RASAL2: variants seen among roughly 807,000 people sequenced by gnomAD.
RASAL2 encodes the protein RAS protein activator like 2.
Under a neutral mutation model 128.9 loss-of-function variants are expected in RASAL2, and 58 were observed. The ratio of observed to expected loss-of-function variants is 0.45; its 90% CI spans 0.36 to 0.56. RASAL2 has a LOEUF of 0.56. Among genes scored for constraint, RASAL2 ranks in the 20% least tolerant of loss-of-function variants. The pLI, the probability that RASAL2 is intolerant of heterozygous loss-of-function variation, is 0.00. For synonymous variants in RASAL2, 561 were observed against 580.8 expected (o/e 0.97, Z 0.49); for missense variants, 1,360 against 1,601.6 (o/e 0.85, Z 2.57).
chr1:178,202,806 G>A (rs1415511806), intron 1 of RASAL2, among the ~76,000 whole-genome samples: 1 of 152,202 alleles, frequency 6.6e-6, no homozygotes, highest in African/African-American at 2.4e-5. Flanking sequence ...GACTCGTTCT[G>A]TATGCACCAC....
rs200932615 is a variant in RASAL2 at position 178,164,823 on chromosome 1, TTGTGTGTGTG to T, written c.202+70163_202+70172del. Among the ~76,000 whole-genome samples the T allele has an allele frequency of 8.0e-4, 106 of 131,990 alleles. 1 individual carries two copies. The highest frequency in any genetic ancestry group is 1.9e-3 in the East Asian group (8 of 4,292). The allele number at this position is 131,990 out of a possible 152,430, so 86.6% of individuals were successfully genotyped here. A position where few individuals can be genotyped will look rare whatever the true frequency, so the allele number is the denominator to read the frequency against. ...AACATACGCTTTGTTCATCAAACGT[TTGTGTGTGTG>T]TGTGTGTGTGTGTGTGTGTGTGTGT... On this transcript the variant is annotated intron_variant, in intron 1 of 17. Coordinates refer to ENST00000367649, the MANE Select transcript of RASAL2 (RefSeq NM_170692.4).
chr1:178,162,434 TTA>T (rs1466671737), intron 1 of RASAL2, among the ~76,000 whole-genome samples: 53 of 120,702 alleles, frequency 4.4e-4, no homozygotes, highest in African/African-American at 1.7e-3. Flanking sequence ...TATATATATT[TTA>T]TATATAATAT....
chr1:178,141,034 A>C (rs1348907647), intron 1 of RASAL2, among the ~76,000 whole-genome samples: 1 of 152,122 alleles, frequency 6.6e-6, no homozygotes, highest in East Asian at 1.9e-4. Context: ...GAGGCACTAC[A>C]TACTTTTTAA....
intron 1 of RASAL2, among the ~76,000 whole-genome samples, chr1:178,270,508 T>C (rs971136291): frequency 1.3e-5 from 2 of 152,114 alleles, no homozygotes; most frequent in African/African-American, 4.8e-5. Flanking sequence ...TTAAAAAATA[T>C]CTTATTTTTG....
intron 1 of RASAL2, among the ~76,000 whole-genome samples, chr1:178,271,662 C>T (rs1666263200): frequency 1.3e-5 from 2 of 152,148 alleles, no homozygotes; most frequent in South Asian, 4.1e-4. Context: ...TTCAGAATTC[C>T]TAATCTCAGT....
At chr1:178,472,003 ATTTTCT>A (rs1215408461) in intron 17 of RASAL2, among the ~76,000 whole-genome samples, 1 of 151,916 alleles carries the variant, frequency 6.6e-6, no homozygotes, top group Non-Finnish European at 1.5e-5. Context: ...CCTATGTGTT[ATTTTCT>A]TTTTAATTTT....
chr1:178,318,537 C>G (rs1445668911), intron 3 of RASAL2, among the ~76,000 whole-genome samples: 158 of 149,598 alleles, frequency 1.1e-3, no homozygotes, highest in Admixed American at 5.7e-3. Flanking sequence ...GATCCCTTTA[C>G]CATTATGTAA....
chr1:178,124,037 G>A lies in RASAL2; in HGVS notation c.202+29343G>A, dbSNP rs147162981. On this transcript the variant is annotated intron_variant, in intron 1 of 17. Transcript: ENST00000367649. ...TTTCCAAACTTTTTCCCACCCAAAG[G>A]AAATATCCAGAACCCCAGAAAATGA... Among the ~76,000 whole-genome samples, 127 of 152,200 alleles carry A rather than the reference G, an allele frequency of 8.3e-4. 1 individual carries two copies. Among genetic ancestry groups the A allele is most frequent in the African/African-American group, 2.9e-3 (120 of 41,520 alleles).
At chr1:178,372,468 T>C in intron 3 of RASAL2, 1 of 620,582 alleles carries the variant, frequency 1.6e-6, no homozygotes, top group Non-Finnish European at 2.0e-6. Context: ...GTCGTTTGCT[T>C]TTCAAATTTT....
intron 1 of RASAL2, among the ~76,000 whole-genome samples, chr1:178,096,450 A>G (rs1658686186): frequency 8.0e-6 from 1 of 125,606 alleles, no homozygotes; most frequent in Admixed American, 9.3e-5. Flanking sequence ...TTTGTGAAAT[A>G]TATATTGTAT....
intron 11 of RASAL2, among the ~76,000 whole-genome samples, chr1:178,452,942 AT>A (rs1431156041): frequency 2.0e-5 from 3 of 152,180 alleles, no homozygotes; most frequent in Non-Finnish European, 4.4e-5. Flanking sequence ...GCTGATAAAA[AT>A]ACTTTAGTGG....
At chr1:178,223,736 TGA>T (rs1663693863) in intron 1 of RASAL2, among the ~76,000 whole-genome samples, 1 of 152,026 alleles carries the variant, frequency 6.6e-6, no homozygotes, top group African/African-American at 2.4e-5. Flanking sequence ...GTAATCCAGG[TGA>T]GAGATGATGG....
intron 3 of RASAL2, among the ~76,000 whole-genome samples, chr1:178,314,271 A>G (rs1033967189): frequency 3.3e-5 from 5 of 152,238 alleles, no homozygotes; most frequent in Non-Finnish European, 5.9e-5. Context: ...GCAGTGTCAT[A>G]TAAATAGAAT....
intron 3 of RASAL2, among the ~76,000 whole-genome samples, chr1:178,338,260 G>A (rs1377210383): frequency 2.0e-5 from 3 of 151,964 alleles, no homozygotes; most frequent in Non-Finnish European, 4.4e-5. Flanking sequence ...CTCCCAAGTA[G>A]ATGGGATTAC....
At position 178,458,128 on chromosome 1, in the gene RASAL2, G is replaced by A; in HGVS notation, c.2836G>A (p.Glu946Lys). 6.2e-7 allele frequency: 1 copy of A among 1,614,210 alleles called. No individual in the cohort carries two copies. The highest frequency in any genetic ancestry group is 8.5e-7 in the Non-Finnish European group (1 of 1,180,046). ...MPKASIDSSL[E>K]NLSTASSRSQ... ...AAAGGCCTCTATAGATTCCAGTTTG[G>A]AGAACCTAAGCACTGCCAGTTCCAG... Residue 946 changes from glutamate (E) to lysine (K), a missense_variant, in exon 14 of 18, where the codon GAG (glutamate) becomes AAG (lysine). Transcript: ENST00000367649.
chr1:178,302,617 A>G (rs1412672726), intron 3 of RASAL2, among the ~76,000 whole-genome samples: 1 of 152,216 alleles, frequency 6.6e-6, no homozygotes, highest in Non-Finnish European at 1.5e-5. Flanking sequence ...CCCCATCCTT[A>G]CCACCACATA....
chr1:178,340,994 C>T (rs887369423), intron 3 of RASAL2, among the ~76,000 whole-genome samples: 2 of 151,964 alleles, frequency 1.3e-5, no homozygotes, highest in Non-Finnish European at 2.9e-5. Context: ...TAGATATTTC[C>T]GTTATGGTAA....
intron 4 of RASAL2, among the ~76,000 whole-genome samples, chr1:178,406,543 A>C (rs1026748175): frequency 6.6e-6 from 1 of 152,196 alleles, no homozygotes; most frequent in Non-Finnish European, 1.5e-5. Flanking sequence ...GTACATTGAA[A>C]AATATTGACT....
At chr1:178,441,290 T>C (rs9803679) in intron 6 of RASAL2, among the ~76,000 whole-genome samples, 37,974 of 152,082 alleles carry the variant, frequency 0.25, 7,529 homozygotes, top group African/African-American at 0.55. Context: ...CGTCAGAGGA[T>C]GAGACTAACA....
Sources: allele counts gnomAD v4.1 joint callset (sites outside exome capture counted in the v4.1 genomes callset), GRCh38; gene constraint gnomAD v4.1.1; transcripts MANE v1.5; gene names NCBI Gene and HGNC (gene_info 2026-07-23, HGNC 2026-07-21).